GPR149: variants seen among roughly 807,000 people sequenced by gnomAD.
GPR149 encodes the protein G protein-coupled receptor 149.
Under a neutral mutation model 50.2 loss-of-function variants are expected in GPR149, and 50 were observed. The ratio of observed to expected loss-of-function variants is 1.00; its 90% CI spans 0.79 to 1.26. The LOEUF is 1.26. Ranked by LOEUF, GPR149 falls within the 50% of genes most tolerant of loss-of-function variation. The pLI, the probability that GPR149 is intolerant of heterozygous loss-of-function variation, is 0.00. For missense variants in GPR149, 983 were observed against 895.4 expected, an observed-to-expected ratio of 1.10 and a Z score of -1.25; for synonymous variants, 405 against 358.2, an observed-to-expected ratio of 1.13 and a Z score of -1.48.
intron 3 of GPR149, among the ~76,000 whole-genome samples, chr3:154,415,512 T>C (rs1400221183): frequency 6.6e-6 from 1 of 152,092 alleles, no homozygotes; most frequent in East Asian, 1.9e-4. Context: ...CTCTAAACTA[T>C]ACCAGATAAT....
At chr3:154,349,655 A>C (rs1714020878) in intron 3 of GPR149, among the ~76,000 whole-genome samples, 1 of 152,222 alleles carries the variant, frequency 6.6e-6, no homozygotes, top group African/African-American at 2.4e-5. Context: ...AACTCTAGCA[A>C]ATAGTTAAGT....
intron 3 of GPR149, among the ~76,000 whole-genome samples, chr3:154,403,354 C>T (rs535427164): frequency 1.3e-5 from 2 of 152,168 alleles, no homozygotes; most frequent in Non-Finnish European, 2.9e-5. Context: ...GACAAATGTA[C>T]AATATGGGAT....
chr3:154,343,694 C>T (rs561436592), intron 3 of GPR149, among the ~76,000 whole-genome samples: 2 of 152,160 alleles, frequency 1.3e-5, no homozygotes, highest in African/African-American at 4.8e-5. Context: ...AGGCTGGGTG[C>T]GACTGTTCAT....
chr3:154,412,268 G>T (rs1016112410), intron 3 of GPR149, among the ~76,000 whole-genome samples: 2 of 151,946 alleles, frequency 1.3e-5, no homozygotes. Context: ...AAAGTAAAAA[G>T]CATACCCCTG....
intron 3 of GPR149, among the ~76,000 whole-genome samples, chr3:154,415,084 T>C (rs2108426175): frequency 6.6e-6 from 1 of 152,056 alleles, no homozygotes; most frequent in South Asian, 2.1e-4. Context: ...CATGTATTAG[T>C]TCACAATAAA....
chr3:154,356,953 A>C (rs1270341254), intron 3 of GPR149, among the ~76,000 whole-genome samples: 10 of 152,200 alleles, frequency 6.6e-5, no homozygotes, highest in Non-Finnish European at 1.3e-4. Flanking sequence ...TACAGTAACC[A>C]AAACAGCATG....
At chr3:154,422,316 T>C (rs1481607605) in intron 2 of GPR149, among the ~76,000 whole-genome samples, 2 of 151,626 alleles carry the variant, frequency 1.3e-5, no homozygotes, top group African/African-American at 2.4e-5. Flanking sequence ...CAGAAAGTGA[T>C]ACAATTTTTA....
chr3:154,374,169 C>CTTTTTTTTTTTTTTTTTTTTTTTTTTT (rs3069044), intron 3 of GPR149, among the ~76,000 whole-genome samples: 2 of 103,174 alleles, frequency 1.9e-5, no homozygotes, highest in Non-Finnish European at 3.7e-5. Context: ...CTTTTCTTTT[C>CTTTTTTTTTTTTTTTTTTTTTTTTTTT]TTTTTTTTTT....
In GPR149 at chr3:154,428,763, C is replaced by T; in HGVS notation, c.853G>A (p.Ala285Thr). ...CGGTTCTCACGCCTGCAGGCTTCAG[C>T]CCCAGCGGCAGCGGGCGCACCCGGT... ...FGPGAPAAAG[A>T]EACRRENRGT... Residue 285 changes from alanine to threonine, a missense_variant, in exon 1 of 4, where the codon GCT (alanine) becomes ACT (threonine). Transcript: ENST00000389740. 1 of 1,613,954 alleles carries T rather than the reference C, an allele frequency of 6.2e-7. No individual in the cohort carries two copies. Among genetic ancestry groups the T allele is most frequent in the Non-Finnish European group, 8.5e-7 (1 of 1,180,032 alleles).
intron 3 of GPR149, among the ~76,000 whole-genome samples, chr3:154,351,535 T>C (rs1559971164): frequency 2.6e-5 from 4 of 152,244 alleles, no homozygotes; most frequent in East Asian, 1.9e-4. Context: ...TTTGATAAAC[T>C]GGACTTCATT....
Position 154,337,495 on chromosome 3 carries a change from C to T in GPR149, c.*204G>A, listed in dbSNP as rs1265197758. On this transcript the variant is annotated 3_prime_UTR_variant, in exon 4 of 4. Transcript: ENST00000389740. ...GATAAGAAGTAAAATCTTTTCATTA[C>T]CACAGTGTGTGATCTTTAGGTAACA... 6.6e-6 allele frequency among the ~76,000 whole-genome samples: 1 copy of T among 152,150 alleles called. No individual in the cohort carries two copies. Among genetic ancestry groups the T allele is most frequent in the African/African-American group, 2.4e-5 (1 of 41,432 alleles).
chr3:154,347,480 A>C (rs1713958641), intron 3 of GPR149, among the ~76,000 whole-genome samples: 1 of 152,246 alleles, frequency 6.6e-6, no homozygotes, highest in East Asian at 1.9e-4. Context: ...TGATTCAATT[A>C]CCTCACACCG....
intron 3 of GPR149, among the ~76,000 whole-genome samples, chr3:154,372,541 T>C (rs934988261): frequency 6.6e-6 from 1 of 152,148 alleles, no homozygotes; most frequent in Admixed American, 6.6e-5. Context: ...TATACCAATA[T>C]CTCACCTTCC....
chr3:154,345,476 T>C (rs1713904805), intron 3 of GPR149, among the ~76,000 whole-genome samples: 1 of 152,344 alleles, frequency 6.6e-6, no homozygotes, highest in Middle Eastern at 3.4e-3. Flanking sequence ...AATTAGCATA[T>C]GCTGTCAGGA....
chr3:154,390,166 T>A (rs1288437334), intron 3 of GPR149, among the ~76,000 whole-genome samples: 1 of 151,800 alleles, frequency 6.6e-6, no homozygotes. Context: ...AGACTGGGAG[T>A]GCGGACATAA....
At chr3:154,366,273 TCTC>T (rs1267908573) in intron 3 of GPR149, among the ~76,000 whole-genome samples, 7 of 152,150 alleles carry the variant, frequency 4.6e-5, no homozygotes, top group African/African-American at 1.4e-4. Context: ...ATAAGACTGA[TCTC>T]CTTGAGGCAA....
chr3:154,417,023 A>G (rs1271351494), intron 3 of GPR149, among the ~76,000 whole-genome samples: 2 of 151,938 alleles, frequency 1.3e-5, no homozygotes, highest in Non-Finnish European at 2.9e-5. Context: ...TTGGTATTAA[A>G]AGAGAAAATA....
At chr3:154,417,840 T>C (rs1576929354) in intron 3 of GPR149, among the ~76,000 whole-genome samples, 1 of 152,228 alleles carries the variant, frequency 6.6e-6, no homozygotes, top group African/African-American at 2.4e-5. Context: ...GTTGTTTTAG[T>C]CTTAGGAAAA....
At chr3:154,425,849 G>T (rs941724934) in intron 2 of GPR149, among the ~76,000 whole-genome samples, 1 of 152,110 alleles carries the variant, frequency 6.6e-6, no homozygotes, top group Non-Finnish European at 1.5e-5. Flanking sequence ...ATATTTCATA[G>T]GTCATTTACA....
Sources: allele counts gnomAD v4.1 joint callset (sites outside exome capture counted in the v4.1 genomes callset), GRCh38; gene constraint gnomAD v4.1.1; transcripts MANE v1.5; gene names NCBI Gene and HGNC (gene_info 2026-07-23, HGNC 2026-07-21).